IMPA2: variants seen among roughly 807,000 people sequenced by gnomAD.
The protein encoded by IMPA2 is IMP 2.
IMPA2 carries 32 observed loss-of-function variants against 35.1 expected under a neutral mutation model. That is an observed-to-expected ratio of 0.91 (90% CI 0.69 to 1.23). The LOEUF (loss-of-function observed/expected upper bound fraction) is 1.23, where lower values mean the gene tolerates loss of function less well. Among genes scored for constraint, IMPA2 ranks in the 50% most tolerant of loss-of-function variants. IMPA2 has a pLI of 0.00. For missense variants in IMPA2, 334 were observed against 387.6 expected (o/e 0.86, Z 1.16); for synonymous variants, 135 against 160.6 (o/e 0.84, Z 1.20).
chr18:12,007,790 T>C (rs1181051680), intron 2 of IMPA2, among the ~76,000 whole-genome samples: 1 of 151,198 alleles, frequency 6.6e-6, no homozygotes, highest in African/African-American at 2.4e-5. Context: ...TCTTTTCTTT[T>C]TTTTGAGATG....
intron 5 of IMPA2, among the ~76,000 whole-genome samples, chr18:12,020,183 G>T (rs111482004): frequency 0.042 from 4,994 of 119,950 alleles, 239 homozygotes; most frequent in African/African-American, 0.18. Flanking sequence ...TTTATTTATT[G>T]ATTGATTGAT....
At chr18:11,990,537 GGGC>G (rs1315393791) in intron 1 of IMPA2, among the ~76,000 whole-genome samples, 1 of 152,144 alleles carries the variant, frequency 6.6e-6, no homozygotes, top group African/African-American at 2.4e-5. Flanking sequence ...CAGGACTTGG[GGGC>G]CCCGTGTGGA....
intron 5 of IMPA2, chr18:12,017,912 C>T (rs1394170914): frequency 8.7e-6 from 2 of 230,734 alleles, no homozygotes; most frequent in African/African-American, 2.5e-5. Context: ...AATATAGAGT[C>T]GATAATGAGT....
At chr18:11,989,241 G>A (rs1023516013) in intron 1 of IMPA2, among the ~76,000 whole-genome samples, 20 of 152,286 alleles carry the variant, frequency 1.3e-4, no homozygotes, top group African/African-American at 4.8e-4. Flanking sequence ...TTCTGAAGTG[G>A]TTCATTTCTC....
chr18:12,005,395 G>T (rs1367491541), intron 2 of IMPA2, among the ~76,000 whole-genome samples: 2 of 152,154 alleles, frequency 1.3e-5, no homozygotes, highest in African/African-American at 4.8e-5. Flanking sequence ...TGAGGCAGGA[G>T]GATTGCTTGA....
chr18:11,982,614 GT>G (rs1193836494), intron 1 of IMPA2, among the ~76,000 whole-genome samples: 1 of 152,184 alleles, frequency 6.6e-6, no homozygotes, highest in African/African-American at 2.4e-5. Flanking sequence ...GACCAACATG[GT>G]GAAACCCCGT....
chr18:11,994,832 C>T (rs1376844306), intron 1 of IMPA2: 1 of 152,460 alleles, frequency 6.6e-6, no homozygotes, highest in Non-Finnish European at 1.5e-5. Flanking sequence ...GTGATAAGTG[C>T]TGTGGGTGCC....
In IMPA2 at chr18:11,998,943, C is replaced by CCCCCCCCCCCCCCCCA. The variant is rs1907038868; in HGVS notation, c.97-108_97-107insCCCCCCCCCCCCACCC. Reference sequence around the variant, plus strand: ...TGCCCCCGCCGCCCCCCCCCCCCCCCCCCACCCAATGGCAGGCTGAATACA... The same window carrying CCCCCCCCCCCCCCCCA: ...TGCCCCCGCCGCCCCCCCCCCCCCCCCCCCCCCCCCCCCCCACCCACCCAATGGCAGGCTGAATACA... On this transcript the variant is annotated intron_variant, in intron 1 of 7. Transcript: ENST00000269159. The CCCCCCCCCCCCCCCCA allele has an allele frequency of 3.4e-5, 2 of 58,992 alleles. 1 individual carries two copies. The allele number at this position is 58,992 out of a possible 1,614,324, so 3.7% of individuals were successfully genotyped here.
chr18:11,998,899 C>A (rs963867589), intron 1 of IMPA2, among the ~76,000 whole-genome samples, 155 bp from the exon 2 acceptor site: 1 of 134,664 alleles, frequency 7.4e-6, no homozygotes, highest in Non-Finnish European at 1.5e-5. Flanking sequence ...AAGTCAGTGA[C>A]CCACAGAGCC....
At chr18:12,007,663 C>CTTTCTTTCTTTT (rs1568032948) in intron 2 of IMPA2, among the ~76,000 whole-genome samples, 1 of 116,930 alleles carries the variant, frequency 8.6e-6, no homozygotes, top group Admixed American at 9.1e-5. Context: ...TTCTTTCTTT[C>CTTTCTTTCTTTT]TTTCTTTCTT....
In IMPA2 at chr18:11,998,689, C is replaced by A. The variant is rs547087703; in HGVS notation, c.97-365C>A. Among the ~76,000 whole-genome samples, 178 of 152,288 alleles carry A rather than the reference C, an allele frequency of 1.2e-3. 1 individual carries two copies. The highest frequency in any genetic ancestry group is 4.2e-3 in the African/African-American group (173 of 41,570). On this transcript the variant is annotated intron_variant, in intron 1 of 7. Transcript: ENST00000269159. ...TGGGCCGTTCTTACAGAGGAAGTTT[C>A]ATGCTCTTTTCAAAACCCCTGTGTT... is the stretch of plus-strand genomic sequence containing the variant.
At chr18:12,013,597 G>A (rs1216422058) in intron 4 of IMPA2, among the ~76,000 whole-genome samples, 1 of 152,222 alleles carries the variant, frequency 6.6e-6, no homozygotes, top group Non-Finnish European at 1.5e-5. Flanking sequence ...TTAACCCTGA[G>A]TGGTGAAAAG....
intron 2 of IMPA2, among the ~76,000 whole-genome samples, chr18:12,007,104 TGGGCGACA>T (rs200399391): frequency 0.02 from 3,029 of 152,150 alleles, 101 homozygotes; most frequent in African/African-American, 0.069. Flanking sequence ...CACTCCAGCC[TGGGCGACA>T]GGGCGAGACT....
intron 4 of IMPA2, among the ~76,000 whole-genome samples, chr18:12,013,972 A>G (rs1219855846): frequency 6.6e-6 from 1 of 152,212 alleles, no homozygotes; most frequent in Non-Finnish European, 1.5e-5. Context: ...AGCTTTTTCA[A>G]TAACTTCTGG....
chr18:11,993,474 C>G (rs904163238), intron 1 of IMPA2, among the ~76,000 whole-genome samples: 4 of 152,310 alleles, frequency 2.6e-5, no homozygotes, highest in Admixed American at 1.3e-4. Context: ...CCTGATAGAG[C>G]CCTATCTGGT....
At chr18:11,995,405 G>GT (rs1370936356) in intron 1 of IMPA2, among the ~76,000 whole-genome samples, 1 of 152,358 alleles carries the variant, frequency 6.6e-6, no homozygotes, top group East Asian at 1.9e-4. Flanking sequence ...GAGGCCACAC[G>GT]TATCCGCGTG....
intron 5 of IMPA2, among the ~76,000 whole-genome samples, chr18:12,024,357 AC>A (rs1895059476): frequency 1.3e-5 from 2 of 151,984 alleles, no homozygotes; most frequent in Admixed American, 1.3e-4. Flanking sequence ...GGTGGTGCGC[AC>A]CTGTAATCCC....
chr18:12,021,172 A>G (rs1907718653), intron 5 of IMPA2, among the ~76,000 whole-genome samples: 1 of 152,150 alleles, frequency 6.6e-6, no homozygotes, highest in African/African-American at 2.4e-5. Flanking sequence ...CAGGAGGTTC[A>G]CTTGAGAGCA....
In IMPA2 at chr18:11,991,237, G is replaced by T. The variant is rs527491732; in HGVS notation, c.97-7817G>T. ...GGATGTGGGTGACGGGTGGCTGCTG[G>T]CATTGGTATGGAAGGTGCCAGTGCC... On this transcript the variant is annotated intron_variant, in intron 1 of 7. Coordinates refer to ENST00000269159, the MANE Select transcript of IMPA2 (RefSeq NM_014214.3). This position sits in a 1 kb window ranked among gnomAD's most constrained non-coding sequence, Gnocchi z 4.1. 6.6e-6 allele frequency among the ~76,000 whole-genome samples: 1 copy of T among 152,332 alleles called. No homozygotes were observed. The highest frequency in any genetic ancestry group is 2.1e-4 in the South Asian group (1 of 4,830).
Sources: gnomAD v4.1 joint callset for allele counts (sites outside exome capture counted in the v4.1 genomes callset) on GRCh38, gnomAD v4.1.1 for gene constraint, Gnocchi (gnomAD v3.1) non-coding constraint, MANE v1.5 for transcripts, NCBI Gene and HGNC (gene_info 2026-07-23, HGNC 2026-07-21) for gene names.